VAPA: variants seen among roughly 807,000 people sequenced by gnomAD.
VAPA encodes vesicle-associated membrane protein-associated protein A.
In VAPA, 6 loss-of-function variants were observed where a neutral mutation model predicts 25.6. The ratio of observed to expected loss-of-function variants is 0.23; its 90% CI spans 0.13 to 0.46. The LOEUF (loss-of-function observed/expected upper bound fraction) is 0.46, where lower values mean the gene tolerates loss of function less well. Ranked by LOEUF, VAPA falls within the 20% of genes least tolerant of loss-of-function variation. VAPA has a pLI of 0.99. For synonymous variants in VAPA, 112 were observed against 106.2 expected (o/e 1.05, Z -0.34); for missense variants, 244 against 302.1 (o/e 0.81, Z 1.43).
At chr18:9,923,626 C>CAG (rs994538721) in intron 1 of VAPA, among the ~76,000 whole-genome samples, 20 of 1,974 alleles carry the variant, frequency 0.01, no homozygotes, top group African/African-American at 0.016. Flanking sequence ...TTAAATCATA[C>CAG]AGTGTTTCCT....
chr18:9,944,812 A>G (rs2069404156), intron 4 of VAPA: 1 of 1,281,126 alleles, frequency 7.8e-7, no homozygotes, highest in Non-Finnish European at 1.0e-6. Flanking sequence ...GCATTTTTAT[A>G]AAGTGTTAAT....
At chr18:9,948,972 C>T (rs1308371957) in intron 4 of VAPA, 1 of 152,196 alleles carries the variant, frequency 6.6e-6, no homozygotes, top group Admixed American at 6.5e-5. Context: ...TGGCCATTGC[C>T]ACCTCCTTTA....
intron 1 of VAPA, among the ~76,000 whole-genome samples, chr18:9,930,514 G>A (rs140180256): frequency 0.014 from 2,114 of 152,054 alleles, 27 homozygotes; most frequent in Middle Eastern, 0.051. Flanking sequence ...TGGAGTTTTC[G>A]TCTTTACTCT....
At chr18:9,935,173 A>G (rs1308522395) in intron 2 of VAPA, among the ~76,000 whole-genome samples, 1 of 151,930 alleles carries the variant, frequency 6.6e-6, no homozygotes, top group East Asian at 1.9e-4. Context: ...AAGAGGCTAT[A>G]TGGTTTCCTT....
intron 2 of VAPA, among the ~76,000 whole-genome samples, chr18:9,933,956 C>T (rs140042445): frequency 1.4e-3 from 213 of 152,350 alleles, no homozygotes; most frequent in Non-Finnish European, 2.4e-3. Flanking sequence ...GCCTAGATTG[C>T]TGGTTTCTGT....
chr18:9,954,511 G>A lies in VAPA; in HGVS notation c.*300G>A. On this transcript the variant is annotated 3_prime_UTR_variant, in exon 6 of 6. Coordinates refer to ENST00000400000, the MANE Select transcript of VAPA (RefSeq NM_194434.3). ...TTCTTTCTTTGTGGTTTTAATAAGA[G>A]TTCAAGAATTGTTCAGAGTCTTGTA... The A allele has an allele frequency of 3.9e-6, 1 of 253,240 alleles. No homozygotes were observed. The highest frequency in any genetic ancestry group is 7.4e-6 in the Non-Finnish European group (1 of 135,360). 15.7% of individuals were successfully genotyped at this position (253,240 alleles called of 1,614,324 possible).
intron 5 of VAPA, among the ~76,000 whole-genome samples, chr18:9,953,370 C>A (rs2069509869): frequency 6.6e-6 from 1 of 152,218 alleles, no homozygotes; most frequent in South Asian, 2.1e-4. Flanking sequence ...AAACAGTATT[C>A]TTTCTCTGCT....
intron 4 of VAPA, chr18:9,948,399 A>G (rs1296766309): frequency 6.6e-6 from 1 of 152,218 alleles, no homozygotes; most frequent in East Asian, 1.9e-4. Flanking sequence ...TCATTTAATA[A>G]TAGTAATATA....
chr18:9,953,754 C>A lies in VAPA; in HGVS notation c.592-299C>A, dbSNP rs143961964. 1.2e-3 allele frequency among the ~76,000 whole-genome samples: 189 copies of A among 152,274 alleles called. 1 individual carries two copies. The highest frequency in any genetic ancestry group is 4.3e-3 in the African/African-American group (178 of 41,566). The stretch of plus-strand genomic sequence containing the variant: ...ACTTTTGCTTTTTAGGAATACATTT[C>A]TCAGCTCCAGTTTTAAAAAATCAGT... On this transcript the variant is annotated intron_variant, in intron 5 of 5. Transcript: ENST00000400000.
chr18:9,939,802 C>G (rs1467497288), intron 4 of VAPA, among the ~76,000 whole-genome samples: 3 of 152,088 alleles, frequency 2.0e-5, no homozygotes, highest in Non-Finnish European at 1.5e-5. Context: ...GGGCAGAGGC[C>G]AGGGATGCCT....
chr18:9,931,820 A>T lies in VAPA; in HGVS notation c.90A>T (p.Thr30=), dbSNP rs1345848691. The T allele has an allele frequency of 6.2e-7, 1 of 1,610,638 alleles. No individual in the cohort carries two copies. Among genetic ancestry groups the T allele is most frequent in the African/African-American group, 1.3e-5 (1 of 74,776 alleles). The change falls in exon 2 of 6, where the codon ACA becomes ACT. Residue 30 remains threonine (T), a synonymous_variant. Transcript: ENST00000400000. The part of the protein sequence containing the change: ...PTDLKFKGPF[T]DVVTTNLKLR... ...TTTTAAACTTTACAGGCCCCTTCAC[A>T]GATGTAGTCACTACAAATCTTAAAT... is the stretch of plus-strand genomic sequence containing the variant.
At chr18:9,921,093 A>G (rs1336503909) in intron 1 of VAPA, among the ~76,000 whole-genome samples, 3 of 152,252 alleles carry the variant, frequency 2.0e-5, no homozygotes, top group Non-Finnish European at 4.4e-5. Flanking sequence ...GTTTGTAGTA[A>G]CAAGTTCTGG....
chr18:9,944,635 A>T (rs1394749292), intron 4 of VAPA, among the ~76,000 whole-genome samples: 1 of 152,250 alleles, frequency 6.6e-6, no homozygotes, highest in Non-Finnish European at 1.5e-5. Context: ...TATTCATTTT[A>T]AAACAATGTA....
intron 1 of VAPA, among the ~76,000 whole-genome samples, chr18:9,923,188 T>C (rs1395241221): frequency 6.6e-6 from 1 of 152,218 alleles, no homozygotes; most frequent in Non-Finnish European, 1.5e-5. Flanking sequence ...TTATCACTAA[T>C]GTTTGATACT....
chr18:9,952,818 C>T (rs1430153048), intron 5 of VAPA, among the ~76,000 whole-genome samples: 1 of 152,142 alleles, frequency 6.6e-6, no homozygotes, highest in Non-Finnish European at 1.5e-5. Context: ...ATTAAAAGTT[C>T]TGTAGATGTT....
In VAPA at chr18:9,954,945, GA is replaced by G. The variant is rs758056210; in HGVS notation, c.*737del. The G allele has an allele frequency of 2.0e-5, 3 of 152,314 alleles. No individual in the cohort carries two copies. The highest frequency in any genetic ancestry group is 4.4e-5 in the Non-Finnish European group (3 of 67,996). 9.4% of individuals were successfully genotyped at this position (152,314 alleles called of 1,614,324 possible). On this transcript the variant is annotated 3_prime_UTR_variant, in exon 6 of 6. Transcript: ENST00000400000. ...CTTGGATATTACAGTATTTTTAATTGAAAGTCCTAATTCTGTTAAGGAAAGG... is the reference window on the plus strand; with the variant it reads ...CTTGGATATTACAGTATTTTTAATTGAAGTCCTAATTCTGTTAAGGAAAGG...
At chr18:9,921,293 C>T (rs2069154770) in intron 1 of VAPA, among the ~76,000 whole-genome samples, 1 of 152,170 alleles carries the variant, frequency 6.6e-6, no homozygotes. Context: ...AAAGAGCTGA[C>T]TAACCCTAAA....
chr18:9,937,885 T>C (rs2069327522), intron 4 of VAPA, among the ~76,000 whole-genome samples: 1 of 152,218 alleles, frequency 6.6e-6, no homozygotes. Flanking sequence ...AGATTAAATA[T>C]GTGGGCTCAG....
At position 9,920,364 on chromosome 18, in the gene VAPA, G is replaced by T. The variant is rs142246094; in HGVS notation, c.79+6029G>T. Among the ~76,000 whole-genome samples, 348 of 152,156 alleles carry T rather than the reference G, an allele frequency of 2.3e-3. 2 individuals carry two copies. Among genetic ancestry groups the T allele is most frequent in the African/African-American group, 8.0e-3 (334 of 41,520 alleles). On this transcript the variant is annotated intron_variant, in intron 1 of 5. Transcript: ENST00000400000. ...GTCACCCATGGTGGTGTGCAGTGGC[G>T]CTATCTCGGCTCACTGCAACCTCTG...
Sources: gnomAD v4.1 joint callset for allele counts (sites outside exome capture counted in the v4.1 genomes callset) on GRCh38, gnomAD v4.1.1 for gene constraint, MANE v1.5 for transcripts, NCBI Gene and HGNC (gene_info 2026-07-23, HGNC 2026-07-21) for gene names.